Variants in CACNB4 observed in about 807,000 individuals in gnomAD.
CACNB4 encodes voltage-dependent L-type calcium channel subunit beta-4.
Under a neutral mutation model 71.2 loss-of-function variants are expected in CACNB4, and 32 were observed. The ratio of observed to expected loss-of-function variants is 0.45; its 90% CI spans 0.34 to 0.60. The LOEUF (loss-of-function observed/expected upper bound fraction) is 0.60. Among genes scored for constraint, CACNB4 ranks in the 20% least tolerant of loss-of-function variants. CACNB4 has a pLI of 0.01. For missense variants in CACNB4, 464 were observed against 647.9 expected, an observed-to-expected ratio of 0.72 and a Z score of 3.08; for synonymous variants, 231 against 236.9, an observed-to-expected ratio of 0.97 and a Z score of 0.23.
chr2:151,913,663 G>A (rs1182452910), intron 2 of CACNB4, among the ~76,000 whole-genome samples: 2 of 151,424 alleles, frequency 1.3e-5, no homozygotes, highest in African/African-American at 4.9e-5. Flanking sequence ...CTACTCAGGA[G>A]GCTGAGGCAG....
At chr2:151,997,163 TTTAAG>T (rs1682094685) in intron 2 of CACNB4, among the ~76,000 whole-genome samples, 1 of 152,168 alleles carries the variant, frequency 6.6e-6, no homozygotes, top group Admixed American at 6.5e-5. Context: ...TCTTTGCAAA[TTTAAG>T]TTAAGGATGT....
intron 9 of CACNB4, chr2:151,866,105 A>C (rs1414203678): frequency 6.6e-6 from 1 of 152,094 alleles, no homozygotes; most frequent in Admixed American, 6.6e-5. Flanking sequence ...TTTTTCTTAC[A>C]TGTATTACAG....
intron 2 of CACNB4, among the ~76,000 whole-genome samples, chr2:152,019,342 G>T (rs554377680): frequency 1.8e-4 from 27 of 152,176 alleles, no homozygotes; most frequent in Non-Finnish European, 3.2e-4. Flanking sequence ...TTCTACGTTT[G>T]ATGGTCAGTT....
At chr2:151,933,337 C>T (rs1057407158) in intron 2 of CACNB4, among the ~76,000 whole-genome samples, 1 of 151,766 alleles carries the variant, frequency 6.6e-6, no homozygotes, top group Non-Finnish European at 1.5e-5. Flanking sequence ...GGACACATGC[C>T]ATCTCTTCAA....
At chr2:152,087,419 G>A (rs1687721148) in intron 2 of CACNB4, among the ~76,000 whole-genome samples, 1 of 147,802 alleles carries the variant, frequency 6.8e-6, no homozygotes, top group South Asian at 2.1e-4. Context: ...GCAACAGAAC[G>A]GGACCCCATC....
intron 10 of CACNB4, among the ~76,000 whole-genome samples, chr2:151,855,825 T>C (rs150557418): frequency 1.5e-4 from 23 of 152,320 alleles, no homozygotes; most frequent in African/African-American, 5.3e-4. Context: ...TTTGTGGACA[T>C]GCTTCTTTTA....
At chr2:152,006,779 C>T (rs1682755003) in intron 2 of CACNB4, among the ~76,000 whole-genome samples, 1 of 152,204 alleles carries the variant, frequency 6.6e-6, no homozygotes, top group African/African-American at 2.4e-5. Context: ...TACATACCAA[C>T]CATCGTCATG....
chr2:151,865,463 C>G (rs1223352831), intron 9 of CACNB4, among the ~76,000 whole-genome samples: 1 of 152,182 alleles, frequency 6.6e-6, no homozygotes, highest in Non-Finnish European at 1.5e-5. Context: ...CAGAGTTGAT[C>G]TGATCCAGTT....
intron 2 of CACNB4, among the ~76,000 whole-genome samples, chr2:152,075,539 G>A (rs1405161300): frequency 6.6e-6 from 1 of 152,170 alleles, no homozygotes; most frequent in Admixed American, 6.5e-5. Context: ...AGCATTCCAG[G>A]TGGAGACCAG....
intron 2 of CACNB4, among the ~76,000 whole-genome samples, chr2:151,888,845 G>A (rs1468312454): frequency 6.6e-6 from 1 of 152,152 alleles, no homozygotes; most frequent in East Asian, 1.9e-4. Flanking sequence ...ACAACATAGT[G>A]TACAAGAGTA....
intron 2 of CACNB4, chr2:151,969,076 C>T (rs2099871868): frequency 6.6e-6 from 1 of 152,206 alleles, no homozygotes; most frequent in Admixed American, 6.5e-5. Context: ...CCTAGCCAAA[C>T]ACCAACACAG....
chr2:151,855,997 T>TA (rs779746369), intron 10 of CACNB4, among the ~76,000 whole-genome samples: 149 of 144,128 alleles, frequency 1.0e-3, no homozygotes, highest in African/African-American at 1.6e-3. Context: ...GCTTCAGTAT[T>TA]AAAAAAAAAA....
At chr2:151,963,672 A>AAT (rs1314511467) in intron 2 of CACNB4, among the ~76,000 whole-genome samples, 2 of 152,184 alleles carry the variant, frequency 1.3e-5, no homozygotes, top group African/African-American at 4.8e-5. Context: ...AATGCTCACC[A>AAT]ATATATATAC....
intron 2 of CACNB4, among the ~76,000 whole-genome samples, chr2:151,993,151 G>T (rs1024086420): frequency 1.3e-4 from 19 of 145,168 alleles, no homozygotes; most frequent in African/African-American, 2.3e-4. Flanking sequence ...CACGTTTTTT[G>T]TTTTTTTTTT....
At chr2:151,890,406 T>C (rs1352001429) in intron 2 of CACNB4, among the ~76,000 whole-genome samples, 2 of 152,196 alleles carry the variant, frequency 1.3e-5, no homozygotes, top group Non-Finnish European at 2.9e-5. Flanking sequence ...CCTTACTAAC[T>C]TATAGATATT....
intron 2 of CACNB4, among the ~76,000 whole-genome samples, chr2:151,904,536 CTCTTT>C (rs1440494601): frequency 9.3e-6 from 1 of 107,446 alleles, no homozygotes; most frequent in Non-Finnish European, 1.9e-5. Flanking sequence ...TTAGAGATAA[CTCTTT>C]TTTTTTTTTT....
intron 2 of CACNB4, among the ~76,000 whole-genome samples, chr2:151,964,322 A>C (rs1036314349): frequency 6.6e-6 from 1 of 152,208 alleles, no homozygotes; most frequent in Non-Finnish European, 1.5e-5. Flanking sequence ...AAAGATTACA[A>C]ATATGACACG....
chr2:152,013,700 C>T (rs533731683), intron 2 of CACNB4, among the ~76,000 whole-genome samples: 12 of 152,172 alleles, frequency 7.9e-5, no homozygotes, highest in Admixed American at 4.6e-4. Context: ...CAACCATTAC[C>T]AAGGAATCAG....
chr2:151,971,852 C>T (rs1560095994), intron 2 of CACNB4: 4 of 492,108 alleles, frequency 8.1e-6, no homozygotes, highest in South Asian at 6.2e-5. Context: ...GCCAGATGCC[C>T]AACTCCACTC....
Sources: gnomAD v4.1 joint callset for allele counts (sites outside exome capture counted in the v4.1 genomes callset) on GRCh38, gnomAD v4.1.1 for gene constraint, MANE v1.5 for transcripts, NCBI Gene and HGNC (gene_info 2026-07-23, HGNC 2026-07-21) for gene names.